Variants in WWOX observed in about 807,000 individuals in gnomAD.
The protein encoded by WWOX is WW domain-containing oxidoreductase.
Under a neutral mutation model 46.2 loss-of-function variants are expected in WWOX, and 69 were observed. The observed-to-expected ratio is 1.49, with a 90% CI of 1.23 to 1.82. WWOX has a LOEUF of 1.82. Among genes scored for constraint, WWOX ranks in the 40% most tolerant of loss-of-function variants. The probability of loss-of-function intolerance (pLI) is 0.00; values close to 1 mark genes in which losing one functional copy is unlikely to be tolerated. For synonymous variants in WWOX, 359 were observed against 202.6 expected, an observed-to-expected ratio of 1.77 and a Z score of -6.56; for missense variants, 919 against 542.6, an observed-to-expected ratio of 1.69 and a Z score of -6.89.
At chr16:78,813,939 C>G (rs1214057934) in intron 8 of WWOX, among the ~76,000 whole-genome samples, 1 of 152,176 alleles carries the variant, frequency 6.6e-6, no homozygotes, top group Admixed American at 6.5e-5. Flanking sequence ...TGTTAACCTT[C>G]CTGAAGCTTG....
intron 8 of WWOX, among the ~76,000 whole-genome samples, chr16:78,860,690 G>T (rs777803383): frequency 2.0e-5 from 3 of 152,216 alleles, no homozygotes; most frequent in Non-Finnish European, 4.4e-5. Context: ...TGTTCTTCCT[G>T]TTAGCAGTGC....
At chr16:78,494,867 A>C (rs2084872669) in intron 8 of WWOX, among the ~76,000 whole-genome samples, 2 of 152,172 alleles carry the variant, frequency 1.3e-5, no homozygotes, top group African/African-American at 4.8e-5. Flanking sequence ...TGTTCATCGC[A>C]CAGTGACAGC....
chr16:78,517,477 G>A (rs1454659823), intron 8 of WWOX, among the ~76,000 whole-genome samples: 1 of 152,158 alleles, frequency 6.6e-6, no homozygotes, highest in Non-Finnish European at 1.5e-5. Flanking sequence ...ATGTATTTAT[G>A]GCTGTGTGAT....
intron 8 of WWOX, chr16:78,996,447 A>C: frequency 1.1e-4 from 55 of 514,406 alleles, no homozygotes; most frequent in South Asian, 3.3e-4. Context: ...GGCATATTCA[A>C]AGTGCTCAGC....
At chr16:78,887,515 AC>A (rs2044492855) in intron 8 of WWOX, among the ~76,000 whole-genome samples, 3 of 121,138 alleles carry the variant, frequency 2.5e-5, no homozygotes, top group African/African-American at 8.4e-5. Flanking sequence ...ACACACACAC[AC>A]ACAAGAAATG....
At chr16:78,904,263 G>A (rs960761290) in intron 8 of WWOX, among the ~76,000 whole-genome samples, 18 of 136,848 alleles carry the variant, frequency 1.3e-4, no homozygotes, top group African/African-American at 4.5e-4. Flanking sequence ...TTTTTTAGTC[G>A]GAGTCTCACT....
intron 8 of WWOX, among the ~76,000 whole-genome samples, chr16:78,998,688 A>AAG (rs1567471751): frequency 6.6e-6 from 1 of 152,238 alleles, no homozygotes; most frequent in African/African-American, 2.4e-5. Flanking sequence ...AGCATGCATG[A>AAG]AGGACTCTTT....
At chr16:79,032,007 T>C (rs1191482368) in intron 8 of WWOX, among the ~76,000 whole-genome samples, 2 of 144,854 alleles carry the variant, frequency 1.4e-5, no homozygotes, top group African/African-American at 2.5e-5. Context: ...GGGCTGTTAT[T>C]AGGTAGACTC....
intron 5 of WWOX, among the ~76,000 whole-genome samples, chr16:78,335,099 G>C (rs12922516): frequency 2.6e-5 from 4 of 151,964 alleles, no homozygotes; most frequent in African/African-American, 9.7e-5. Flanking sequence ...TCAGAAGCTT[G>C]TGGGGTGGGG....
intron 3 of WWOX, among the ~76,000 whole-genome samples, chr16:78,113,662 G>T (rs747019331): frequency 2.0e-5 from 3 of 152,192 alleles, no homozygotes; most frequent in Non-Finnish European, 2.9e-5. Flanking sequence ...TGTTTCCACA[G>T]TATAAATACT....
At chr16:78,958,846 T>A (rs2046219841) in intron 8 of WWOX, among the ~76,000 whole-genome samples, 1 of 152,184 alleles carries the variant, frequency 6.6e-6, no homozygotes, top group Admixed American at 6.5e-5. Context: ...ATTTTAAAAT[T>A]CTTCCTTTGA....
chr16:78,999,628 T>TC (rs534234358), intron 8 of WWOX, among the ~76,000 whole-genome samples: 620 of 152,316 alleles, frequency 4.1e-3, no homozygotes, highest in Admixed American at 6.0e-3. Flanking sequence ...AATTATTTTT[T>TC]CACTTACATT....
chr16:78,639,814 C>T (rs940250445), intron 8 of WWOX, among the ~76,000 whole-genome samples: 1 of 152,162 alleles, frequency 6.6e-6, no homozygotes, highest in South Asian at 2.1e-4. Context: ...GATCCACCTG[C>T]CCCAGCCTCC....
chr16:78,939,750 G>T (rs990488597), intron 8 of WWOX, among the ~76,000 whole-genome samples: 10 of 152,194 alleles, frequency 6.6e-5, no homozygotes, highest in African/African-American at 1.9e-4. Flanking sequence ...GGGTAACCCA[G>T]CCCCTTTTAA....
chr16:78,317,315 C>T (rs1447389438), intron 5 of WWOX, among the ~76,000 whole-genome samples: 1 of 152,176 alleles, frequency 6.6e-6, no homozygotes, highest in East Asian at 1.9e-4. Flanking sequence ...CTGTCTCTCT[C>T]ACTCACATTT....
At chr16:79,047,920 C>G (rs530207920) in intron 8 of WWOX, among the ~76,000 whole-genome samples, 3 of 151,992 alleles carry the variant, frequency 2.0e-5, no homozygotes, top group East Asian at 3.9e-4. Context: ...AGAATACACC[C>G]GAGCAATTAC....
chr16:78,437,596 ACT>A (rs1390900840), intron 8 of WWOX, among the ~76,000 whole-genome samples: 1 of 152,188 alleles, frequency 6.6e-6, no homozygotes, highest in East Asian at 1.9e-4. Flanking sequence ...GATCCAGAGA[ACT>A]GGACAAGTGT....
chr16:78,350,412 GA>G lies in WWOX; in HGVS notation c.517-36445del, dbSNP rs1294324569. Among the ~76,000 whole-genome samples, 10 of 121,132 alleles carry G rather than the reference GA, an allele frequency of 8.3e-5. 3 individuals carry two copies. Among genetic ancestry groups the G allele is most frequent in the Non-Finnish European group, 9.9e-5 (5 of 50,590 alleles). The allele number at this position is 121,132 out of a possible 152,430, so 79.5% of individuals were successfully genotyped here. A position where few individuals can be genotyped will look rare whatever the true frequency, so the allele number is the denominator to read the frequency against. ...TAGAATATTTTCATTTTCCCAAAAA[GA>G]AACCCTTGACTGGCATCCTTTTCCC... On this transcript the variant is annotated intron_variant, in intron 5 of 8. Coordinates refer to ENST00000566780, the MANE Select transcript of WWOX (RefSeq NM_016373.4).
intron 5 of WWOX, among the ~76,000 whole-genome samples, chr16:78,363,387 T>C (rs4887960): frequency 1 from 151,578 of 151,656 alleles, 75,751 homozygotes; most frequent in Middle Eastern, 1. Context: ...GATTTTCCTT[T>C]CTCAGACCCC....
Sources: gnomAD v4.1 joint callset for allele counts (sites outside exome capture counted in the v4.1 genomes callset) on GRCh38, gnomAD v4.1.1 for gene constraint, MANE v1.5 for transcripts, NCBI Gene and HGNC (gene_info 2026-07-23, HGNC 2026-07-21) for gene names.